GP1BB: variants seen among roughly 807,000 people sequenced by gnomAD.
GP1BB encodes the protein platelet glycoprotein Ib beta chain.
Under a neutral mutation model 2.5 loss-of-function variants are expected in GP1BB, and 3 were observed. The observed-to-expected ratio is 1.22, with a 90% CI of 0.56 to 3.15. The LOEUF is 3.15. GP1BB is among the 30% of genes most tolerant of loss of function. GP1BB has a pLI of 0.03. For synonymous variants in GP1BB, 191 were observed against 167.5 expected (o/e 1.14, Z -1.08); for missense variants, 316 against 307.0 (o/e 1.03, Z -0.22).
In GP1BB at chr22:19,724,227, G is replaced by A. The variant is rs1343359435; in HGVS notation, c.384G>A (p.Leu128=). 2 of 1,230,396 alleles carry A rather than the reference G, an allele frequency of 1.6e-6. No homozygotes were observed. Among genetic ancestry groups the A allele is most frequent in the African/African-American group, 3.2e-5 (2 of 63,136 alleles). 76.2% of individuals were successfully genotyped at this position (1,230,396 alleles called of 1,614,324 possible). A position where few individuals can be genotyped will look rare whatever the true frequency, so the allele number is the denominator to read the frequency against. Residue 128 remains leucine (L), a synonymous_variant, in exon 2 of 2, where the codon CTG becomes CTA. Transcript: ENST00000366425. ...CVAPPALRGR[L]LPYLAEDELR... ...CGCCCCCAGCGCTGCGCGGCCGCCTGCTGCCCTATCTGGCCGAGGACGAGC... is the reference window on the plus strand; with the variant it reads ...CGCCCCCAGCGCTGCGCGGCCGCCTACTGCCCTATCTGGCCGAGGACGAGC...
chr22:19,724,594 T>C lies in GP1BB; in HGVS notation c.*130T>C. The C allele has an allele frequency of 1.4e-6, 1 of 721,160 alleles. No homozygotes were observed. Among genetic ancestry groups the C allele is most frequent in the Non-Finnish European group, 2.5e-6 (1 of 404,522 alleles). The allele number at this position is 721,160 out of a possible 1,614,324, so 44.7% of individuals were successfully genotyped here. On this transcript the variant is annotated 3_prime_UTR_variant, in exon 2 of 2. Transcript: ENST00000366425. ...TCCCCGCCTCCTCCGCTGCCCAATC[T>C]CTCAGACCCACCCCACCTGCAGGCC...
At position 19,724,451 on chromosome 22, in the gene GP1BB, C is replaced by T. The variant is rs765658600; in HGVS notation, c.608C>T (p.Thr203Ile). Residue 203 changes from threonine (T) to isoleucine (I), a missense_variant, in exon 2 of 2, where the codon ACC (threonine) becomes ATC (isoleucine). Thr to Ile is a moderately conservative substitution (Grantham distance 89). Transcript: ENST00000366425. Reference protein sequence around the residue: ...TDPLVAERAGTDES With the variant: ...TDPLVAERAGIDES ...CCGCTGGTGGCCGAGCGAGCCGGAACCGACGAGTCCTGAGGAGAGAACCGG... is the reference window on the plus strand; with the variant it reads ...CCGCTGGTGGCCGAGCGAGCCGGAATCGACGAGTCCTGAGGAGAGAACCGG... 3 of 1,542,904 alleles carry T rather than the reference C, an allele frequency of 1.9e-6. No homozygotes were observed. The highest frequency in any genetic ancestry group is 4.9e-5 in the East Asian group (2 of 40,828).
At chr22:19,723,622 C>A in intron 1 of GP1BB, 43 bp downstream of exon 1, 1 of 1,586,186 alleles carries the variant, frequency 6.3e-7, no homozygotes, top group Non-Finnish European at 8.5e-7. Flanking sequence ...CTCCCTAGGC[C>A]GACCCGGGTT....
chr22:19,724,540 C>T lies in GP1BB; in HGVS notation c.*76C>T. ...CCTGCAAACTCGACAGGACCCTGCC[C>T]GAGGGGCCCTCGCGCCAACCTGGAC... On this transcript the variant is annotated 3_prime_UTR_variant, in exon 2 of 2. Coordinates refer to ENST00000366425, the MANE Select transcript of GP1BB (RefSeq NM_000407.5). The T allele has an allele frequency of 9.5e-7, 1 of 1,056,816 alleles. No individual in the cohort carries two copies. The highest frequency in any genetic ancestry group is 1.4e-6 in the Non-Finnish European group (1 of 701,202). 65.5% of individuals were successfully genotyped at this position (1,056,816 alleles called of 1,614,324 possible).
rs1441945322 is a variant in GP1BB at position 19,724,362 on chromosome 22, C to T, written c.519C>T (p.Cys173=). ...CGTTGCTGCTGGTGCTGCTGCTGTGCCGCCTGCGGAGGCTGCGGGCCCGGG... is the reference window on the plus strand; with the variant it reads ...CGTTGCTGCTGGTGCTGCTGCTGTGTCGCCTGCGGAGGCTGCGGGCCCGGG... ...LHALLLVLLL[C]RLRRLRARAR... The change falls in exon 2 of 2, where the codon TGC becomes TGT. Residue 173 remains cysteine, a synonymous_variant. Transcript: ENST00000366425. The T allele has an allele frequency of 4.0e-6, 6 of 1,491,888 alleles. No individual in the cohort carries two copies. The highest frequency in any genetic ancestry group is 2.6e-5 in the East Asian group (1 of 38,496). 92.4% of individuals were successfully genotyped at this position (1,491,888 alleles called of 1,614,324 possible).
rs1329584473 is a variant in GP1BB at position 19,724,162 on chromosome 22, C to T, written c.319C>T (p.Arg107Cys). The T allele has an allele frequency of 7.7e-7, 1 of 1,298,880 alleles. No individual in the cohort carries two copies. Among genetic ancestry groups the T allele is most frequent in the Non-Finnish European group, 9.8e-7 (1 of 1,025,486 alleles). 80.5% of individuals were successfully genotyped at this position (1,298,880 alleles called of 1,614,324 possible). The change falls in exon 2 of 2, where the codon CGC becomes TGC. Residue 107 changes from arginine to cysteine, a missense_variant. Arg to Cys is a radical substitution (Grantham distance 180). Transcript: ENST00000366425. Reference protein sequence around the residue: ...LVPLRAWLAGRPERAPYRDLR... With the variant: ...LVPLRAWLAGCPERAPYRDLR... The stretch of plus-strand genomic sequence containing the variant: ...GCCGCTGCGCGCCTGGCTGGCCGGC[C>T]GCCCCGAGCGTGCGCCCTACCGCGA...
Position 19,724,663 on chromosome 22 carries a change from A to G in GP1BB, c.*199A>G. The G allele has an allele frequency of 5.0e-6, 3 of 602,866 alleles. No homozygotes were observed. Among genetic ancestry groups the G allele is most frequent in the Non-Finnish European group, 3.0e-6 (1 of 331,788 alleles). 37.3% of individuals were successfully genotyped at this position (602,866 alleles called of 1,614,324 possible). A position where few individuals can be genotyped will look rare whatever the true frequency, so the allele number is the denominator to read the frequency against. On this transcript the variant is annotated 3_prime_UTR_variant, in exon 2 of 2. Transcript: ENST00000366425. ...ACTCCTGCCCACCCTACCCCGAGGG[A>G]GGCGAACCCGCACTTCCAGGCTTGG...
chr22:19,723,708 C>A, intron 1 of GP1BB, 129 bp downstream of exon 1: 1 of 1,336,154 alleles, frequency 7.5e-7, no homozygotes, highest in Non-Finnish European at 1.0e-6. Flanking sequence ...AGCCGGCGTG[C>A]GGGGTGGTCA....
rs753093914 is a variant in GP1BB, at chr22:19,724,453, G to T, written c.610G>T (p.Asp204Tyr). 1.3e-6 allele frequency: 2 copies of T among 1,542,096 alleles called. No individual in the cohort carries two copies. Among genetic ancestry groups the T allele is most frequent in the Non-Finnish European group, 1.8e-6 (2 of 1,141,954 alleles). ...GCTGGTGGCCGAGCGAGCCGGAACCGACGAGTCCTGAGGAGAGAACCGGTG... is the reference window on the plus strand; with the variant it reads ...GCTGGTGGCCGAGCGAGCCGGAACCTACGAGTCCTGAGGAGAGAACCGGTG... ...DPLVAERAGT[D>Y]ES Residue 204 changes from aspartate to tyrosine, a missense_variant, in exon 2 of 2, where the codon GAC (aspartate) becomes TAC (tyrosine). Coordinates refer to ENST00000366425, the MANE Select transcript of GP1BB (RefSeq NM_000407.5).
Position 19,724,317 on chromosome 22 carries a change from G to A in GP1BB, c.474G>A (p.Leu158=). 7.2e-7 allele frequency: 1 copy of A among 1,382,158 alleles called. No homozygotes were observed. The highest frequency in any genetic ancestry group is 9.3e-7 in the Non-Finnish European group (1 of 1,073,366). 85.6% of individuals were successfully genotyped at this position (1,382,158 alleles called of 1,614,324 possible). Reference sequence around the variant, plus strand: ...CGCTGGCGGCGCAGCTTGCGCTGCTGGGCCTTGGGCTGCTGCACGCGTTGC... The same window carrying A: ...CGCTGGCGGCGCAGCTTGCGCTGCTAGGCCTTGGGCTGCTGCACGCGTTGC... ...WGALAAQLAL[L]GLGLLHALLL... Residue 158 remains leucine (L), a synonymous_variant, in exon 2 of 2, where the codon CTG becomes CTA. Transcript: ENST00000366425.
In GP1BB at chr22:19,724,211, C is replaced by G. The variant is rs1224690507; in HGVS notation, c.368C>G (p.Ala123Gly). ...GACCTGCGTTGCGTGGCGCCCCCAGCGCTGCGCGGCCGCCTGCTGCCCTAT... is the reference window on the plus strand; with the variant it reads ...GACCTGCGTTGCGTGGCGCCCCCAGGGCTGCGCGGCCGCCTGCTGCCCTAT... ...YRDLRCVAPP[A>G]LRGRLLPYLA... The change falls in exon 2 of 2, where the codon GCG becomes GGG. Residue 123 changes from alanine to glycine, a missense_variant. By Grantham distance (60) the Ala-to-Gly change is moderately conservative (BLOSUM62 0). Transcript: ENST00000366425. 25 of 1,226,162 alleles carry G rather than the reference C, an allele frequency of 2.0e-5. No homozygotes were observed. The highest frequency in any genetic ancestry group is 3.5e-5 in the South Asian group (1 of 28,208). 76.0% of individuals were successfully genotyped at this position (1,226,162 alleles called of 1,614,324 possible).
chr22:19,724,671 C>T lies in GP1BB; in HGVS notation c.*207C>T. On this transcript the variant is annotated 3_prime_UTR_variant, in exon 2 of 2. Transcript: ENST00000366425. ...CCACCCTACCCCGAGGGAGGCGAACCCGCACTTCCAGGCTTGGGAGGACCA... is the reference window on the plus strand; with the variant it reads ...CCACCCTACCCCGAGGGAGGCGAACTCGCACTTCCAGGCTTGGGAGGACCA... The T allele has an allele frequency of 1.7e-6, 1 of 598,988 alleles. No individual in the cohort carries two copies. The allele number at this position is 598,988 out of a possible 1,614,324, so 37.1% of individuals were successfully genotyped here. A position where few individuals can be genotyped will look rare whatever the true frequency, so the allele number is the denominator to read the frequency against.
chr22:19,724,161 C>A lies in GP1BB; in HGVS notation c.318C>A (p.Gly106=). 1 of 1,305,600 alleles carries A rather than the reference C, an allele frequency of 7.7e-7. No individual in the cohort carries two copies. The highest frequency in any genetic ancestry group is 2.2e-5 in the South Asian group (1 of 46,124). 80.9% of individuals were successfully genotyped at this position (1,305,600 alleles called of 1,614,324 possible). A position where few individuals can be genotyped will look rare whatever the true frequency, so the allele number is the denominator to read the frequency against. The change falls in exon 2 of 2, where the codon GGC becomes GGA. Residue 106 remains glycine, a synonymous_variant. Transcript: ENST00000366425. The part of the protein sequence containing the change: ...RLVPLRAWLA[G]RPERAPYRDL... Reference sequence around the variant, plus strand: ...TGCCGCTGCGCGCCTGGCTGGCCGGCCGCCCCGAGCGTGCGCCCTACCGCG... The same window carrying A: ...TGCCGCTGCGCGCCTGGCTGGCCGGACGCCCCGAGCGTGCGCCCTACCGCG...
rs1257960444 is a variant in GP1BB at position 19,724,474 on chromosome 22, C to T, written c.*10C>T. On this transcript the variant is annotated 3_prime_UTR_variant, in exon 2 of 2. Coordinates refer to ENST00000366425, the MANE Select transcript of GP1BB (RefSeq NM_000407.5). Reference sequence around the variant, plus strand: ...AACCGACGAGTCCTGAGGAGAGAACCGGTGCGTCCTGAGGAGAGAACCGGC... The same window carrying T: ...AACCGACGAGTCCTGAGGAGAGAACTGGTGCGTCCTGAGGAGAGAACCGGC... 4 of 1,519,600 alleles carry T rather than the reference C, an allele frequency of 2.6e-6. No individual in the cohort carries two copies. Among genetic ancestry groups the T allele is most frequent in the Admixed American group, 3.9e-5 (2 of 50,854 alleles). 94.1% of individuals were successfully genotyped at this position (1,519,600 alleles called of 1,614,324 possible).
At chr22:19,723,640 G>GCT (rs980207757) in intron 1 of GP1BB, 61 bp downstream of exon 1, 1 of 1,557,886 alleles carries the variant, frequency 6.4e-7, no homozygotes, top group African/African-American at 1.4e-5. Flanking sequence ...GTTGAGAGGA[G>GCT]CTCTGGTCGT....
At chr22:19,723,737 G>A (rs1374987340) in intron 1 of GP1BB, 117 bp from the exon 2 acceptor site, 8 of 1,314,006 alleles carry the variant, frequency 6.1e-6, no homozygotes, top group Admixed American at 2.2e-5. Context: ...AGGCTGGCGG[G>A]CTACCGGGAC....
Position 19,724,052 on chromosome 22 carries a change from T to A in GP1BB, c.209T>A (p.Leu70Gln). 1 of 1,513,526 alleles carries A rather than the reference T, an allele frequency of 6.6e-7. No individual in the cohort carries two copies. The highest frequency in any genetic ancestry group is 1.9e-4 in the Middle Eastern group (1 of 5,358). The allele number at this position is 1,513,526 out of a possible 1,614,324, so 93.8% of individuals were successfully genotyped here. A position where few individuals can be genotyped will look rare whatever the true frequency, so the allele number is the denominator to read the frequency against. The change falls in exon 2 of 2, where the codon CTG becomes CAG. Residue 70 changes from leucine to glutamine, a missense_variant. Leu to Gln is a moderately radical substitution (Grantham distance 113). Coordinates refer to ENST00000366425, the MANE Select transcript of GP1BB (RefSeq NM_000407.5). The stretch of plus-strand genomic sequence containing the variant: ...CTGACCGGCAACAACCTGACGGCGC[T>A]GCCGCCGGGGCTGCTGGACGCGCTG... The part of the protein sequence containing the change: ...LVLTGNNLTA[L>Q]PPGLLDALPA...
Position 19,724,357 on chromosome 22 carries a change from C to T in GP1BB, c.514C>T (p.Leu172=). 6.7e-7 allele frequency: 1 copy of T among 1,488,384 alleles called. No individual in the cohort carries two copies. Among genetic ancestry groups the T allele is most frequent in the Middle Eastern group, 2.4e-4 (1 of 4,106 alleles). The allele number at this position is 1,488,384 out of a possible 1,614,324, so 92.2% of individuals were successfully genotyped here. The change falls in exon 2 of 2, where the codon CTG becomes TTG. Residue 172 remains leucine, a synonymous_variant. Transcript: ENST00000366425. ...GCACGCGTTGCTGCTGGTGCTGCTGCTGTGCCGCCTGCGGAGGCTGCGGGC... is the reference window on the plus strand; with the variant it reads ...GCACGCGTTGCTGCTGGTGCTGCTGTTGTGCCGCCTGCGGAGGCTGCGGGC... ...LLHALLLVLL[L]CRLRRLRARA...
rs1462572282 is a variant in GP1BB, at chr22:19,723,742, C to CG, written c.11-109dup. The stretch of plus-strand genomic sequence containing the variant: ...CAGGGTGGAGAGGCTGGCGGGCTAC[C>CG]GGGACGCCGGGCATCAGGGGCTGGA... On this transcript the variant is annotated intron_variant, in intron 1 of 1. Transcript: ENST00000366425. 2.3e-6 allele frequency: 3 copies of CG among 1,315,132 alleles called. No individual in the cohort carries two copies. In the South Asian group the frequency reaches 4.2e-5, roughly 18 times the overall value. The allele number at this position is 1,315,132 out of a possible 1,614,324, so 81.5% of individuals were successfully genotyped here.
Sources: allele counts gnomAD v4.1 joint callset, GRCh38; gene constraint gnomAD v4.1.1; transcripts MANE v1.5; gene names NCBI Gene and HGNC (gene_info 2026-07-23, HGNC 2026-07-21).